KANK1: variants seen among roughly 807,000 people sequenced by gnomAD.
KANK1 encodes the protein KN motif and ankyrin repeat domains 1.
KANK1 carries 109 observed loss-of-function variants against 106.2 expected under a neutral mutation model. The ratio of observed to expected loss-of-function variants is 1.03; its 90% CI spans 0.88 to 1.20. The LOEUF is 1.20. Ranked by LOEUF, KANK1 falls within the 50% of genes most tolerant of loss-of-function variation. The probability of loss-of-function intolerance (pLI) is 0.00; values close to 1 mark genes in which losing one functional copy is unlikely to be tolerated. For missense variants in KANK1, 2,399 were observed against 1,710.7 expected, an observed-to-expected ratio of 1.40 and a Z score of -7.10; for synonymous variants, 873 against 652.2, an observed-to-expected ratio of 1.34 and a Z score of -5.16.
At chr9:595,350 T>C (rs1170665422) in intron 1 of KANK1, among the ~76,000 whole-genome samples, 3 of 151,796 alleles carry the variant, frequency 2.0e-5, no homozygotes, top group Admixed American at 6.6e-5. Flanking sequence ...CTGGTGTGAA[T>C]TTCTCTTGCT....
At chr9:557,584 G>T (rs1447914795) in intron 1 of KANK1, among the ~76,000 whole-genome samples, 2 of 152,176 alleles carry the variant, frequency 1.3e-5, no homozygotes, top group African/African-American at 4.8e-5. Context: ...TAGCCAAACT[G>T]TTAGTCAAAA....
intron 1 of KANK1, among the ~76,000 whole-genome samples, chr9:597,162 C>T (rs994062449): frequency 1.3e-5 from 2 of 151,728 alleles, no homozygotes; most frequent in Non-Finnish European, 2.9e-5. Context: ...CCTTTTAATT[C>T]TTATGAATAA....
chr9:503,953 C>T (rs12002287), upstream of KANK1, among the ~76,000 whole-genome samples: 911 of 152,294 alleles, frequency 6.0e-3, 9 homozygotes, highest in African/African-American at 0.02. Flanking sequence ...CTCCCCTTTC[C>T]GCCGAGGACT....
In KANK1 at chr9:472,817, G is replaced by C. The variant is rs137955931; in HGVS notation, c.-441-377G>C. Among the ~76,000 whole-genome samples, 557 of 152,304 alleles carry C rather than the reference G, an allele frequency of 3.7e-3. 3 individuals carry two copies. The highest frequency in any genetic ancestry group is 0.013 in the African/African-American group (532 of 41,548). On this transcript the variant is annotated intron_variant, in intron 2 of 15. Coordinates refer to the KANK1 transcript ENST00000382303. ...GCTTGATCCGAGCTGGTGCAGGCAT[G>C]ACAGCCAGGCTTCCTGATACATGAG...
rs186682179 is a variant in KANK1 at position 706,847 on chromosome 9, C to T, written c.38-3957C>T. The T allele has an allele frequency of 1.0e-5, 10 of 985,422 alleles. No individual in the cohort carries two copies. The Admixed American group carries it at 3.1e-4, about 30-fold the overall frequency. The allele number at this position is 985,422 out of a possible 1,614,324, so 61.0% of individuals were successfully genotyped here. ...CCTCCTCAGGTGACCGAGGGCTGGG[C>T]AGGAGGACACAGACTCTTTCATGAA... is the stretch of plus-strand genomic sequence containing the variant. On this transcript the variant is annotated intron_variant, in intron 2 of 11. Transcript: ENST00000382297.
At position 713,354 on chromosome 9, in the gene KANK1, A is replaced by T. The variant is rs1295307877; in HGVS notation, c.2588A>T (p.Asn863Ile). The change falls in exon 3 of 12, where the codon AAC (asparagine) becomes ATC (isoleucine). Residue 863 changes from asparagine to isoleucine, a missense_variant. By Grantham distance (149) the Asn-to-Ile change is moderately radical (BLOSUM62 -3). Coordinates refer to ENST00000382297, the MANE Select transcript of KANK1 (RefSeq NM_015158.5). ...GEPHSQMGSL[N>I]SQLISTLSSI... ...CCTCACTCACAGATGGGCTCCCTCA[A>T]CTCTCAGCTCATCAGCACCCTGTCG... is the stretch of plus-strand genomic sequence containing the variant. 5 of 1,613,924 alleles carry T rather than the reference A, an allele frequency of 3.1e-6. No individual in the cohort carries two copies. The African/African-American group carries it at 5.3e-5, about 17-fold the overall frequency.
intron 1 of KANK1, among the ~76,000 whole-genome samples, chr9:667,225 G>A (rs1844839606): frequency 6.6e-6 from 1 of 151,622 alleles, no homozygotes; most frequent in Admixed American, 6.6e-5. Context: ...TCAATTTGTT[G>A]GCAATTGTCT....
chr9:642,176 G>A lies in KANK1; in HGVS notation c.-83-34714G>A, dbSNP rs575625471. On this transcript the variant is annotated intron_variant, in intron 1 of 11. Coordinates refer to ENST00000382297, the MANE Select transcript of KANK1 (RefSeq NM_015158.5). ...TTACTTCTGACACGGCAGATGCTGG[G>A]CTTTTTAACCTCTTTCCTCATTGTG... Among the ~76,000 whole-genome samples the A allele has an allele frequency of 6.3e-5, 9 of 143,402 alleles. No individual in the cohort carries two copies. In the South Asian group the frequency reaches 1.0e-3, roughly 17 times the overall value. 94.1% of individuals were successfully genotyped at this position (143,402 alleles called of 152,430 possible).
intron 1 of KANK1, chr9:660,228 G>T (rs2138028259): frequency 3.9e-6 from 1 of 258,774 alleles, no homozygotes. Context: ...GAATATGGAG[G>T]TCATTCAGCT....
chr9:551,127 C>T (rs1377497692), intron 1 of KANK1, among the ~76,000 whole-genome samples: 1 of 151,854 alleles, frequency 6.6e-6, no homozygotes, highest in Non-Finnish European at 1.5e-5. Context: ...ACATGTGTGG[C>T]TCAGTATAAC....
intron 1 of KANK1, among the ~76,000 whole-genome samples, chr9:565,964 G>C (rs1414619943): frequency 1.3e-5 from 2 of 152,170 alleles, no homozygotes; most frequent in African/African-American, 4.8e-5. Flanking sequence ...TCATCACCCA[G>C]GTGTTAAGTT....
chr9:559,965 G>T lies in KANK1; in HGVS notation c.-84+55211G>T, dbSNP rs547182644. Among the ~76,000 whole-genome samples, 8 of 152,226 alleles carry T rather than the reference G, an allele frequency of 5.3e-5. No homozygotes were observed. In the East Asian group the frequency reaches 5.8e-4, roughly 11 times the overall value. ...TTATAGTTATTTGTATTGTAGTTAC[G>T]TGTCATCCTTCTTCGTCTTAGAAGA... On this transcript the variant is annotated intron_variant, in intron 1 of 11. Transcript: ENST00000382297.
chr9:735,114 C>G lies in KANK1; in HGVS notation c.3333+279C>G, dbSNP rs148531048. 2.9e-3 allele frequency among the ~76,000 whole-genome samples: 439 copies of G among 152,282 alleles called. 2 individuals are homozygous for G. Among genetic ancestry groups the G allele is most frequent in the African/African-American group, 0.01 (424 of 41,556 alleles). On this transcript the variant is annotated intron_variant, in intron 7 of 11. Transcript: ENST00000382297. Reference sequence around the variant, plus strand: ...GTACACTTGCAGACAGAAAGCAGGGCTAATTGCAGTCAGTCGTCATCTTTC... The same window carrying G: ...GTACACTTGCAGACAGAAAGCAGGGGTAATTGCAGTCAGTCGTCATCTTTC...
intron 3 of KANK1, among the ~76,000 whole-genome samples, chr9:721,429 G>A (rs1009825523): frequency 6.6e-6 from 1 of 152,134 alleles, no homozygotes; most frequent in Non-Finnish European, 1.5e-5. Flanking sequence ...AAAAGGGGGG[G>A]CCATATGGCA....
chr9:740,255 C>G (rs931547418), intron 8 of KANK1, among the ~76,000 whole-genome samples: 5 of 152,132 alleles, frequency 3.3e-5, no homozygotes, highest in African/African-American at 1.2e-4. Context: ...ACCATAAATT[C>G]TGGAGCTGGA....
rs114657844 is a variant in KANK1 at position 731,288 on chromosome 9, A to G, written c.3005+22A>G. ...GAGGGTAAGGAAAGATGGTGGTTCTAGAGGCTAATGCTGTCAGTCTCCTTT... is the reference window on the plus strand; with the variant it reads ...GAGGGTAAGGAAAGATGGTGGTTCTGGAGGCTAATGCTGTCAGTCTCCTTT... On this transcript the variant is annotated intron_variant, in intron 5 of 11. Coordinates refer to ENST00000382297, the MANE Select transcript of KANK1 (RefSeq NM_015158.5). 2.5e-4 allele frequency: 345 copies of G among 1,398,090 alleles called. 4 individuals carry two copies. The African/African-American group carries it at 3.5e-3, about 14-fold the overall frequency. 86.6% of individuals were successfully genotyped at this position (1,398,090 alleles called of 1,614,324 possible).
chr9:612,421 A>G lies in KANK1; in HGVS notation c.-83-64469A>G, dbSNP rs1016043595. On this transcript the variant is annotated intron_variant, in intron 1 of 11. Transcript: ENST00000382297. ...ATGTAGGCCCGGTTTCTTAGACATG[A>G]TGTCTGCTGAAATGGTGATAAGGTA... Among the ~76,000 whole-genome samples, 4 of 152,158 alleles carry G rather than the reference A, an allele frequency of 2.6e-5. 1 individual carries two copies. Among genetic ancestry groups the G allele is most frequent in the African/African-American group, 9.7e-5 (4 of 41,420 alleles).
At chr9:576,978 G>T (rs959462805) in intron 1 of KANK1, among the ~76,000 whole-genome samples, 1 of 152,192 alleles carries the variant, frequency 6.6e-6, no homozygotes, top group African/African-American at 2.4e-5. Flanking sequence ...TCCGGAGTTT[G>T]TTCCTTCAGA....
At chr9:552,198 G>A (rs1374626298) in intron 1 of KANK1, among the ~76,000 whole-genome samples, 2 of 152,198 alleles carry the variant, frequency 1.3e-5, no homozygotes, top group African/African-American at 4.8e-5. Context: ...AGGGGGAAAA[G>A]CGGAAATAGC....
Sources: allele counts gnomAD v4.1 joint callset (sites outside exome capture counted in the v4.1 genomes callset), GRCh38; gene constraint gnomAD v4.1.1; transcripts MANE v1.5; gene names NCBI Gene and HGNC (gene_info 2026-07-23, HGNC 2026-07-21).